SLC39A10: variants seen among roughly 807,000 people sequenced by gnomAD.
SLC39A10 encodes solute carrier family 39 member 10, also known as zinc transporter ZIP10.
A neutral mutation model predicts 65.1 loss-of-function variants in SLC39A10; 13 were observed. The observed-to-expected ratio is 0.20, with a 90% CI of 0.13 to 0.32. The LOEUF (loss-of-function observed/expected upper bound fraction) is 0.32, where lower values mean the gene tolerates loss of function less well. Ranked by LOEUF, SLC39A10 falls within the 10% of genes least tolerant of loss-of-function variation. SLC39A10 has a pLI of 1.00. For synonymous variants in SLC39A10, 321 were observed against 342.2 expected (o/e 0.94, Z 0.68); for missense variants, 831 against 1,018.4 (o/e 0.82, Z 2.50).
intron 2 of SLC39A10, among the ~76,000 whole-genome samples, chr2:195,633,235 G>A (rs758015084): frequency 5.9e-5 from 9 of 152,218 alleles, no homozygotes; most frequent in Non-Finnish European, 1.2e-4. Context: ...CCATTTCAGT[G>A]GTAGCAGCAA....
rs777217451 is a variant in SLC39A10 at position 195,728,894 on chromosome 2, A to G, written c.2337+545A>G. 8.8e-5 allele frequency among the ~76,000 whole-genome samples: 13 copies of G among 148,526 alleles called. No individual in the cohort carries two copies. Among genetic ancestry groups the G allele is most frequent in the Non-Finnish European group, 1.6e-4 (11 of 67,448 alleles). ...TTACAGAACTAGCAATTAGGTTTTT[A>G]TGTTTGTTTGTTTGACTAGATAGGA... On this transcript the variant is annotated intron_variant, in intron 9 of 9. Transcript: ENST00000359634. This position sits in a 1 kb window ranked among gnomAD's most constrained non-coding sequence, Gnocchi z 4.4.
At chr2:195,690,292 G>C (rs1252495729) in intron 3 of SLC39A10, among the ~76,000 whole-genome samples, 2 of 151,262 alleles carry the variant, frequency 1.3e-5, no homozygotes, top group African/African-American at 2.4e-5. Context: ...ATAGACAGTT[G>C]GGTTGCTTCC....
At chr2:195,644,023 T>G (rs535700372) in intron 2 of SLC39A10, among the ~76,000 whole-genome samples, 1 of 152,340 alleles carries the variant, frequency 6.6e-6, no homozygotes, top group South Asian at 2.1e-4. Flanking sequence ...TGTGTTTTGC[T>G]TTCAACATGA....
intron 1 of SLC39A10, among the ~76,000 whole-genome samples, chr2:195,662,552 G>T (rs1195359686): frequency 6.6e-6 from 1 of 152,068 alleles, no homozygotes; most frequent in Non-Finnish European, 1.5e-5. Flanking sequence ...GGGATTACAG[G>T]CATGAGCCAC....
intron 4 of SLC39A10, 52 bp downstream of exon 4, chr2:195,706,837 T>G (rs78059037): frequency 0.028 from 37,382 of 1,319,744 alleles, 612 homozygotes; most frequent in Non-Finnish European, 0.032. Context: ...ATATTTAAGC[T>G]GAAAGGGTCC....
chr2:195,697,664 CAA>C (rs761113301), intron 3 of SLC39A10, among the ~76,000 whole-genome samples: 1 of 148,740 alleles, frequency 6.7e-6, no homozygotes, highest in Non-Finnish European at 1.5e-5. Flanking sequence ...AAAAATTTTG[CAA>C]AGTTATGCAT....
chr2:195,654,041 C>A (rs1219268200), upstream of SLC39A10, among the ~76,000 whole-genome samples: 1 of 152,218 alleles, frequency 6.6e-6, no homozygotes, highest in African/African-American at 2.4e-5. Context: ...CAGGTTCAAG[C>A]GATTCTCCTG....
At chr2:195,698,893 G>A (rs979074581) in intron 3 of SLC39A10, among the ~76,000 whole-genome samples, 1 of 151,858 alleles carries the variant, frequency 6.6e-6, no homozygotes. Context: ...ATTGGTATTA[G>A]TTCTTCTTTA....
At chr2:195,659,469 T>C (rs1689298582) in intron 1 of SLC39A10, among the ~76,000 whole-genome samples, 1 of 152,160 alleles carries the variant, frequency 6.6e-6, no homozygotes, top group South Asian at 2.1e-4. Context: ...TTGGAGAAGA[T>C]AGGATGTAGT....
At chr2:195,715,826 G>C (rs897852941) in intron 6 of SLC39A10, among the ~76,000 whole-genome samples, 1 of 152,182 alleles carries the variant, frequency 6.6e-6, no homozygotes, top group Non-Finnish European at 1.5e-5. Flanking sequence ...TTTTTATGCA[G>C]AAAAGTTGCA....
Position 195,706,762 on chromosome 2 carries a change from G to A in SLC39A10, c.1363G>A (p.Ala455Thr). The change falls in exon 4 of 10, where the codon GCC (alanine) becomes ACC (threonine). Residue 455 changes from alanine (A) to threonine (T), a missense_variant. Transcript: ENST00000359634. ...ALAVGTMSGDALLHLLPHSQG... is the reference protein window; with the variant it reads ...ALAVGTMSGDTLLHLLPHSQG... ...AGCTGTAGGAACAATGAGTGGAGAC[G>A]CCCTTCTTCATCTACTGCCCCATGT... 9 of 1,566,062 alleles carry A rather than the reference G, an allele frequency of 5.7e-6. No individual in the cohort carries two copies. The highest frequency in any genetic ancestry group is 6.9e-6 in the Non-Finnish European group (8 of 1,159,866).
chr2:195,708,610 G>C, intron 4 of SLC39A10, 46 bp from the exon 5 acceptor site: 1 of 1,389,072 alleles, frequency 7.2e-7, no homozygotes, highest in Non-Finnish European at 9.7e-7. Context: ...ATTTTAAATA[G>C]CATTTCAATT....
At chr2:195,703,797 G>T (rs889749893) in intron 3 of SLC39A10, among the ~76,000 whole-genome samples, 3 of 152,100 alleles carry the variant, frequency 2.0e-5, no homozygotes, top group Admixed American at 2.0e-4. Flanking sequence ...TGGACTACAG[G>T]CACATGCCAC....
rs1574309531 is a variant in SLC39A10 at position 195,718,337 on chromosome 2, T to C, written c.2146+5T>C. The C allele has an allele frequency of 6.3e-7, 1 of 1,593,790 alleles. No homozygotes were observed. The highest frequency in any genetic ancestry group is 1.7e-5 in the Admixed American group (1 of 59,234). Reference sequence around the variant, plus strand: ...ATGAACTGCCACATGAATTAGGTAATATAACCTTAAAAATTTTACCAGATT... The same window carrying C: ...ATGAACTGCCACATGAATTAGGTAACATAACCTTAAAAATTTTACCAGATT... On this transcript the variant is annotated splice_donor_5th_base_variant and intron_variant, in intron 8 of 9. Coordinates refer to ENST00000359634, the MANE Select transcript of SLC39A10 (RefSeq NM_020342.3).
At chr2:195,658,190 AG>A (rs1341797472) in intron 1 of SLC39A10, 3 of 152,356 alleles carry the variant, frequency 2.0e-5, no homozygotes, top group African/African-American at 7.2e-5. Flanking sequence ...CCAGCTAAGA[AG>A]GGCGGGGGCC....
intron 2 of SLC39A10, among the ~76,000 whole-genome samples, chr2:195,626,850 A>C (rs1256528254): frequency 1.3e-5 from 2 of 152,192 alleles, no homozygotes; most frequent in African/African-American, 4.8e-5. Flanking sequence ...TTTTCTATAT[A>C]GAGTTCCTCA....
At chr2:195,704,236 T>G (rs1001644419) in intron 3 of SLC39A10, among the ~76,000 whole-genome samples, 1 of 152,216 alleles carries the variant, frequency 6.6e-6, no homozygotes, top group East Asian at 1.9e-4. Flanking sequence ...AAGTTCTTAA[T>G]TGAAGTTGCT....
chr2:195,666,438 T>G (rs1689639781), intron 1 of SLC39A10, among the ~76,000 whole-genome samples: 1 of 152,170 alleles, frequency 6.6e-6, no homozygotes, highest in Non-Finnish European at 1.5e-5. Context: ...AGTGCAGCAG[T>G]AGCTATTTTT....
At chr2:195,733,977 T>C (rs900065565) in intron 9 of SLC39A10, among the ~76,000 whole-genome samples, 3 of 152,094 alleles carry the variant, frequency 2.0e-5, no homozygotes, top group Admixed American at 6.6e-5. Context: ...TAGGTTGTTT[T>C]CTGTGTCTGT....
Sources: gnomAD v4.1 joint callset for allele counts (sites outside exome capture counted in the v4.1 genomes callset) on GRCh38, gnomAD v4.1.1 for gene constraint, Gnocchi (gnomAD v3.1) non-coding constraint, MANE v1.5 for transcripts, NCBI Gene and HGNC (gene_info 2026-07-23, HGNC 2026-07-21) for gene names.